The following SLTM variants were observed in gnomAD, a reference collection of about 807,000 sequenced individuals.
SLTM encodes the protein SAFB-like transcription modulator.
A neutral mutation model predicts 134.6 loss-of-function variants in SLTM; 43 were observed. The observed-to-expected ratio is 0.32, with a 90% confidence interval of 0.25 to 0.41. The LOEUF (loss-of-function observed/expected upper bound fraction) is 0.41, where lower values mean the gene tolerates loss of function less well. Among genes scored for constraint, SLTM ranks in the 10% least tolerant of loss-of-function variants. SLTM has a pLI of 1.00. For synonymous variants in SLTM, 424 were observed against 432.3 expected, an observed-to-expected ratio of 0.98 and a Z score of 0.24; for missense variants, 1,055 against 1,288.8, an observed-to-expected ratio of 0.82 and a Z score of 2.78.
chr15:58,919,952 G>T (rs2036906348), intron 2 of SLTM, among the ~76,000 whole-genome samples: 1 of 152,136 alleles, frequency 6.6e-6, no homozygotes, highest in Non-Finnish European at 1.5e-5. Context: ...ATCTTGTCCT[G>T]CCACTATATC....
At chr15:58,883,466 C>G in intron 20 of SLTM, 160 bp downstream of exon 20, 1 of 892,310 alleles carries the variant, frequency 1.1e-6, no homozygotes, top group South Asian at 1.7e-5. Context: ...AGCTGTTCTG[C>G]AAACACTCTT....
In SLTM at chr15:58,923,799, C is replaced by CTTTTT. The variant is rs34100406; in HGVS notation, c.251-6805_251-6801dup. The stretch of plus-strand genomic sequence containing the variant: ...AGTGTAAGGCAGATTGAAGCCAAAC[C>CTTTTT]TTTTTTTTTTTTTTTTTTTTTTTTT... On this transcript the variant is annotated intron_variant, in intron 2 of 20. Coordinates refer to ENST00000380516, the MANE Select transcript of SLTM (RefSeq NM_024755.4). Among the ~76,000 whole-genome samples, 19 of 69,552 alleles carry CTTTTT rather than the reference C, an allele frequency of 2.7e-4. 1 individual carries two copies. Among genetic ancestry groups the CTTTTT allele is most frequent in the Admixed American group, 2.5e-4 (1 of 3,946 alleles). 45.6% of individuals were successfully genotyped at this position (69,552 alleles called of 152,430 possible).
intron 2 of SLTM, among the ~76,000 whole-genome samples, chr15:58,919,161 C>T (rs2036847902): frequency 6.6e-6 from 1 of 152,216 alleles, no homozygotes; most frequent in South Asian, 2.1e-4. Flanking sequence ...GATCCACCCA[C>T]CTCGGCCTCC....
chr15:58,899,233 A>T lies in SLTM; in HGVS notation c.1058+236T>A. 2.1e-6 allele frequency: 1 copy of T among 474,816 alleles called. No individual in the cohort carries two copies. Among genetic ancestry groups the T allele is most frequent in the Non-Finnish European group, 3.7e-6 (1 of 273,344 alleles). The allele number at this position is 474,816 out of a possible 1,614,324, so 29.4% of individuals were successfully genotyped here. Reference sequence around the variant, plus strand: ...GAAAAAAAAAAACAAAAAACAAAAAACAACAAAAAAACCAAATATATGCTG... The same window carrying T: ...GAAAAAAAAAAACAAAAAACAAAAATCAACAAAAAAACCAAATATATGCTG... On this transcript the variant is annotated intron_variant, in intron 7 of 20. Transcript: ENST00000380516. This position sits in a 1 kb window ranked among gnomAD's most constrained non-coding sequence, Gnocchi z 5.0.
At chr15:58,906,468 C>T (rs1467214070) in intron 5 of SLTM, among the ~76,000 whole-genome samples, 3 of 152,170 alleles carry the variant, frequency 2.0e-5, no homozygotes, top group Non-Finnish European at 4.4e-5. Context: ...ATCCTAGAAG[C>T]AGCAATGACT....
At chr15:58,882,083 T>C (rs67851431) in intron 20 of SLTM, among the ~76,000 whole-genome samples, 95,888 of 150,094 alleles carry the variant, frequency 0.64, 32,194 homozygotes, top group Middle Eastern at 0.78. Context: ...GGTGCACGCC[T>C]GTATTCCCAG....
chr15:58,926,748 G>A (rs567051767), intron 2 of SLTM, among the ~76,000 whole-genome samples: 1 of 151,608 alleles, frequency 6.6e-6, no homozygotes, highest in South Asian at 2.1e-4. Flanking sequence ...CAGAGTAGCT[G>A]GGATTACAGA....
At chr15:58,881,855 C>A (rs1341374708) in intron 20 of SLTM, among the ~76,000 whole-genome samples, 1 of 151,878 alleles carries the variant, frequency 6.6e-6, no homozygotes, top group South Asian at 2.1e-4. Context: ...CCTTGGCCTC[C>A]CAAAGTACTG....
intron 2 of SLTM, among the ~76,000 whole-genome samples, chr15:58,920,585 A>G (rs531815143): frequency 2.0e-5 from 3 of 150,696 alleles, no homozygotes; most frequent in African/African-American, 7.3e-5. Context: ...ATAGCAACGC[A>G]GCACTCCAGC....
chr15:58,896,496 G>A (rs2035088507), intron 9 of SLTM, among the ~76,000 whole-genome samples: 1 of 152,096 alleles, frequency 6.6e-6, no homozygotes, highest in Non-Finnish European at 1.5e-5. Context: ...GGGAGGCAGA[G>A]GTCGCAGTGA....
intron 16 of SLTM, 67 bp from the exon 17 acceptor site, chr15:58,888,622 A>G: frequency 6.7e-7 from 1 of 1,490,362 alleles, no homozygotes; most frequent in Non-Finnish European, 9.2e-7. Context: ...ATTTACTTGG[A>G]GTCATACATA....
At chr15:58,898,956 C>T (rs554407167) in intron 7 of SLTM, 104 bp from the exon 8 acceptor site, 2 of 779,248 alleles carry the variant, frequency 2.6e-6, no homozygotes, top group African/African-American at 3.6e-5. Flanking sequence ...GCTATTCATA[C>T]AAATTAACAA....
In SLTM at chr15:58,882,181, C is replaced by CAAAAA. The variant is rs71119415; in HGVS notation, c.2996+1440_2996+1444dup. On this transcript the variant is annotated intron_variant, in intron 20 of 20. Coordinates refer to ENST00000380516, the MANE Select transcript of SLTM (RefSeq NM_024755.4). ...GCCTGGACAGAGCAAGACTCTGTCT[C>CAAAAA]AAAAAAAAAAAACCACACTTAGAAA... Among the ~76,000 whole-genome samples, 21 of 59,528 alleles carry CAAAAA rather than the reference C, an allele frequency of 3.5e-4. 1 individual carries two copies. Among genetic ancestry groups the CAAAAA allele is most frequent in the South Asian group, 2.3e-3 (2 of 876 alleles). The allele number at this position is 59,528 out of a possible 152,430, so 39.1% of individuals were successfully genotyped here.
At chr15:58,926,053 A>C (rs1350520113) in intron 2 of SLTM, among the ~76,000 whole-genome samples, 1 of 152,212 alleles carries the variant, frequency 6.6e-6, no homozygotes, top group Admixed American at 6.5e-5. Flanking sequence ...TGTATGTAAG[A>C]ATCACCTGGG....
chr15:58,883,543 A>C, intron 20 of SLTM, 83 bp downstream of exon 20: 1 of 1,550,266 alleles, frequency 6.5e-7, no homozygotes, highest in East Asian at 2.3e-5. Context: ...GTTGCAATTC[A>C]GTCTCTCAGA....
chr15:58,893,146 A>G, intron 13 of SLTM, 86 bp from the exon 14 acceptor site: 1 of 1,420,482 alleles, frequency 7.0e-7, no homozygotes, highest in East Asian at 2.4e-5. Flanking sequence ...TAAAAAGTTC[A>G]AATGACTAGT....
chr15:58,902,655 G>A (rs1595878300), intron 5 of SLTM, among the ~76,000 whole-genome samples: 1 of 151,414 alleles, frequency 6.6e-6, no homozygotes, highest in Admixed American at 6.6e-5. Flanking sequence ...GCCTCCCAAA[G>A]TTCTAGGATT....
At chr15:58,900,874 G>A (rs1049228014) in intron 6 of SLTM, 2 of 177,194 alleles carry the variant, frequency 1.1e-5, no homozygotes, top group African/African-American at 2.4e-5. Flanking sequence ...TCATTTTTAG[G>A]ACTAGTTGTA....
intron 2 of SLTM, chr15:58,932,112 T>C (rs2037920697): frequency 5.1e-6 from 2 of 393,148 alleles, no homozygotes; most frequent in South Asian, 3.5e-5. Context: ...AACTTGACTT[T>C]GTAATTTTTT....
Sources: allele counts gnomAD v4.1 joint callset (sites outside exome capture counted in the v4.1 genomes callset), GRCh38; gene constraint gnomAD v4.1.1; non-coding constraint Gnocchi (gnomAD v3.1); transcripts MANE v1.5; gene names NCBI Gene and HGNC (gene_info 2026-07-23, HGNC 2026-07-21).